Variants in MIPOL1 observed in about 807,000 individuals in gnomAD.
MIPOL1 encodes the protein mirror-image polydactyly gene 1 protein.
A neutral mutation model predicts 60.9 loss-of-function variants in MIPOL1; 57 were observed. That is an observed-to-expected ratio of 0.94 (90% CI 0.76 to 1.17). MIPOL1 has a LOEUF of 1.17. Among genes scored for constraint, MIPOL1 ranks in the 50% most tolerant of loss-of-function variants. MIPOL1 has a pLI of 0.00. For missense variants in MIPOL1, 551 were observed against 511.6 expected (o/e 1.08, Z -0.74); for synonymous variants, 179 against 168.8 (o/e 1.06, Z -0.47).
chr14:37,449,763 T>C lies in MIPOL1; in HGVS notation c.1031+26814T>C, dbSNP rs533653212. On this transcript the variant is annotated intron_variant, in intron 11 of 12. Coordinates refer to ENST00000684589, the MANE Select transcript of MIPOL1 (RefSeq NM_001388067.1). Reference sequence around the variant, plus strand: ...GACTTTCTTGTACCGATTTTGTTTATCCTGCCTTAAATTTCTGATTACATT... The same window carrying C: ...GACTTTCTTGTACCGATTTTGTTTACCCTGCCTTAAATTTCTGATTACATT... Among the ~76,000 whole-genome samples the C allele has an allele frequency of 2.6e-5, 4 of 152,250 alleles. No individual in the cohort carries two copies. In the South Asian group the frequency reaches 8.3e-4, roughly 32 times the overall value.
chr14:37,515,882 A>T (rs2095365668), intron 12 of MIPOL1, among the ~76,000 whole-genome samples: 1 of 152,168 alleles, frequency 6.6e-6, no homozygotes, highest in African/African-American at 2.4e-5. Context: ...TTTTTAACAC[A>T]GCTGTGAGAA....
At chr14:37,304,089 T>C (rs576232959) in intron 7 of MIPOL1, among the ~76,000 whole-genome samples, 23 of 151,834 alleles carry the variant, frequency 1.5e-4, no homozygotes, top group Admixed American at 5.3e-4. Flanking sequence ...TGCATAACTG[T>C]TTTTGCTTGA....
intron 7 of MIPOL1, among the ~76,000 whole-genome samples, chr14:37,292,360 A>G (rs558999166): frequency 1.3e-5 from 2 of 151,802 alleles, no homozygotes; most frequent in South Asian, 2.1e-4. Context: ...TGGTGTATTC[A>G]TAGTTGTCAC....
chr14:37,524,949 T>G (rs367742370), intron 12 of MIPOL1, among the ~76,000 whole-genome samples: 1 of 152,138 alleles, frequency 6.6e-6, no homozygotes, highest in African/African-American at 2.4e-5. Context: ...AAAATGAGCA[T>G]GATTATTATC....
At chr14:37,465,670 A>T (rs1316565867) in intron 11 of MIPOL1, among the ~76,000 whole-genome samples, 1 of 152,174 alleles carries the variant, frequency 6.6e-6, no homozygotes, top group Non-Finnish European at 1.5e-5. Context: ...TTTCATACTT[A>T]GGAATGTAAT....
At chr14:37,259,597 C>CA (rs2082374747) in intron 3 of MIPOL1, among the ~76,000 whole-genome samples, 1 of 151,844 alleles carries the variant, frequency 6.6e-6, no homozygotes, top group Non-Finnish European at 1.5e-5. Flanking sequence ...TAAGAAATCA[C>CA]TGTCTGTGCT....
intron 10 of MIPOL1, chr14:37,401,221 A>G (rs1264683839): frequency 2.0e-5 from 3 of 152,108 alleles, no homozygotes; most frequent in African/African-American, 7.2e-5. Context: ...GCAGGAGCAA[A>G]AGGAGTAAAT....
intron 12 of MIPOL1, among the ~76,000 whole-genome samples, chr14:37,524,793 C>T (rs563675728): frequency 7.1e-4 from 108 of 151,846 alleles, no homozygotes; most frequent in Non-Finnish European, 7.9e-4. Flanking sequence ...TGGTCTTGAA[C>T]TCCCGACCTC....
chr14:37,494,954 A>T (rs1594714790), intron 11 of MIPOL1, among the ~76,000 whole-genome samples: 1 of 152,072 alleles, frequency 6.6e-6, no homozygotes, highest in East Asian at 1.9e-4. Context: ...TCCATCTGAG[A>T]GAAAAATCAA....
chr14:37,509,299 TTA>T (rs1031527300), intron 12 of MIPOL1, among the ~76,000 whole-genome samples: 1 of 151,882 alleles, frequency 6.6e-6, no homozygotes. Context: ...TCTGAGAGTT[TTA>T]TATATATATT....
intron 1 of MIPOL1, among the ~76,000 whole-genome samples, chr14:37,243,119 AT>A (rs1406951395): frequency 6.6e-6 from 1 of 152,226 alleles, no homozygotes; most frequent in Admixed American, 6.5e-5. Flanking sequence ...TATCTTACAT[AT>A]TTTTGTAAAT....
intron 10 of MIPOL1, among the ~76,000 whole-genome samples, chr14:37,394,987 A>T (rs775759290): frequency 7.2e-5 from 11 of 152,148 alleles, no homozygotes; most frequent in Non-Finnish European, 1.3e-4. Context: ...ACATGTGCCT[A>T]GCCAATTATC....
intron 11 of MIPOL1, among the ~76,000 whole-genome samples, chr14:37,441,116 G>A (rs1430129195): frequency 6.6e-6 from 1 of 151,532 alleles, no homozygotes; most frequent in African/African-American, 2.4e-5. Context: ...ATTTGGTTTT[G>A]CTGTTGTTAT....
intron 12 of MIPOL1, chr14:37,507,271 T>G (rs1205469875): frequency 1.3e-5 from 2 of 152,102 alleles, no homozygotes; most frequent in Admixed American, 6.6e-5. Flanking sequence ...ACCCAAAGCA[T>G]TATAAATCAT....
rs562246741 is a variant in MIPOL1, at chr14:37,442,265, CT to C, written c.1031+19320del. On this transcript the variant is annotated intron_variant, in intron 11 of 12. Transcript: ENST00000684589. The stretch of plus-strand genomic sequence containing the variant: ...GAAGTTGTTTATTACTTCCAGGAGC[CT>C]TTTCACAGAGTCTTTAGGGTATTTT... Among the ~76,000 whole-genome samples, 291 of 152,090 alleles carry C rather than the reference CT, an allele frequency of 1.9e-3. 1 individual carries two copies. Among genetic ancestry groups the C allele is most frequent in the African/African-American group, 6.5e-3 (268 of 41,480 alleles).
intron 1 of MIPOL1, among the ~76,000 whole-genome samples, chr14:37,228,385 C>A (rs1032887343): frequency 6.8e-6 from 1 of 148,104 alleles, no homozygotes; most frequent in Non-Finnish European, 1.5e-5. Context: ...GAACTGACAG[C>A]CTTTTGCAGT....
chr14:37,225,637 G>A (rs1309475899), intron 1 of MIPOL1, among the ~76,000 whole-genome samples: 1 of 152,094 alleles, frequency 6.6e-6, no homozygotes, highest in African/African-American at 2.4e-5. Flanking sequence ...ATAGGCCTCC[G>A]GGTCTGCAGT....
At chr14:37,263,411 T>C (rs2082649085) in intron 3 of MIPOL1, among the ~76,000 whole-genome samples, 2 of 152,198 alleles carry the variant, frequency 1.3e-5, no homozygotes, top group South Asian at 4.1e-4. Context: ...AGGTGGCATT[T>C]TAGGGTAATA....
At chr14:37,325,609 T>G (rs1210397847) in intron 9 of MIPOL1, among the ~76,000 whole-genome samples, 1 of 151,960 alleles carries the variant, frequency 6.6e-6, no homozygotes, top group African/African-American at 2.4e-5. Context: ...ATTCTCTCTG[T>G]TTTTTCTAAT....
Sources: allele counts gnomAD v4.1 joint callset (sites outside exome capture counted in the v4.1 genomes callset), GRCh38; gene constraint gnomAD v4.1.1; transcripts MANE v1.5; gene names NCBI Gene and HGNC (gene_info 2026-07-23, HGNC 2026-07-21).